EIF4G3: variants seen among roughly 807,000 people sequenced by gnomAD.
The protein encoded by EIF4G3 is eIF-4-gamma 3.
Under a neutral mutation model 186.4 loss-of-function variants are expected in EIF4G3, and 34 were observed. That is an observed-to-expected ratio of 0.18 (90% CI 0.14 to 0.24). The LOEUF (loss-of-function observed/expected upper bound fraction) is 0.24, where lower values mean the gene tolerates loss of function less well. Among genes scored for constraint, EIF4G3 ranks in the 10% least tolerant of loss-of-function variants. The pLI, the probability that EIF4G3 is intolerant of heterozygous loss-of-function variation, is 1.00. For missense variants in EIF4G3, 1,536 were observed against 1,948.5 expected, an observed-to-expected ratio of 0.79 and a Z score of 3.99; for synonymous variants, 673 against 679.5, an observed-to-expected ratio of 0.99 and a Z score of 0.15.
At chr1:20,977,090 G>GAA (rs11444926) in intron 10 of EIF4G3, among the ~76,000 whole-genome samples, 43 of 148,326 alleles carry the variant, frequency 2.9e-4, no homozygotes, top group South Asian at 6.3e-4. Context: ...AAATATAAAT[G>GAA]AAAAAAAAAA....
At chr1:20,846,011 T>G (rs1283583758) in intron 29 of EIF4G3, among the ~76,000 whole-genome samples, 1 of 152,232 alleles carries the variant, frequency 6.6e-6, no homozygotes, top group African/African-American at 2.4e-5. Flanking sequence ...CTTGTAGTGA[T>G]CCTTCACTTC....
intron 7 of EIF4G3, among the ~76,000 whole-genome samples, chr1:20,996,490 C>T (rs1182312462): frequency 1.3e-5 from 2 of 152,228 alleles, no homozygotes; most frequent in African/African-American, 2.4e-5. Context: ...TTTGCCTTTA[C>T]ATCCTCCAGA....
At chr1:21,052,132 T>A (rs1571728706) in intron 3 of EIF4G3, among the ~76,000 whole-genome samples, 1 of 152,198 alleles carries the variant, frequency 6.6e-6, no homozygotes, top group East Asian at 1.9e-4. Flanking sequence ...ATAATCAGCA[T>A]GTTTTTACGT....
rs1035007548 is a variant in EIF4G3, at chr1:20,942,338, A to G, written c.824-8T>C. On this transcript the variant is annotated splice_polypyrimidine_tract_variant and splice_region_variant and intron_variant, in intron 13 of 36. Coordinates refer to ENST00000602326, the MANE Select transcript of EIF4G3 (RefSeq NM_001391906.1). ...CTGGTTTTGGCTTCTCCTCTGGGGA[A>G]AAAAAAATAAGTTTTAAGAATAATT... 3.9e-6 allele frequency: 6 copies of G among 1,540,512 alleles called. No homozygotes were observed. The highest frequency in any genetic ancestry group is 4.4e-6 in the Non-Finnish European group (5 of 1,149,118).
At chr1:20,832,521 G>A (rs1220100735) in intron 30 of EIF4G3, among the ~76,000 whole-genome samples, 1 of 143,964 alleles carries the variant, frequency 6.9e-6, no homozygotes, top group Non-Finnish European at 1.5e-5. Context: ...CCCTTTGTCA[G>A]ATGAGTAGGT....
intron 14 of EIF4G3, among the ~76,000 whole-genome samples, chr1:20,912,013 G>A (rs1039446728): frequency 1.3e-5 from 2 of 152,118 alleles, no homozygotes; most frequent in Admixed American, 6.5e-5. Flanking sequence ...AATAAGGCCA[G>A]GTATGGTGGC....
At chr1:21,175,647 G>A (rs1248469524) in intron 2 of EIF4G3, 2 of 152,106 alleles carry the variant, frequency 1.3e-5, no homozygotes, top group Admixed American at 1.3e-4. Flanking sequence ...TTTCACCTTA[G>A]ACTGAAAATC....
intron 2 of EIF4G3, among the ~76,000 whole-genome samples, chr1:21,116,385 T>C (rs775501388): frequency 6.6e-6 from 1 of 152,128 alleles, no homozygotes; most frequent in Non-Finnish European, 1.5e-5. Context: ...GCAGAAACCA[T>C]GTAACATCAA....
intron 2 of EIF4G3, among the ~76,000 whole-genome samples, chr1:21,142,993 A>G (rs2097366417): frequency 6.6e-6 from 1 of 152,220 alleles, no homozygotes; most frequent in Non-Finnish European, 1.5e-5. Context: ...TCATGCCTGT[A>G]ATCCCAGCAC....
At chr1:20,808,690 C>A (rs6699749) in intron 36 of EIF4G3, among the ~76,000 whole-genome samples, 143,753 of 152,144 alleles carry the variant, frequency 0.94, 68,416 homozygotes, top group Middle Eastern at 1. Context: ...CAAAAAAGAA[C>A]AAGAGGTGAT....
Position 20,963,156 on chromosome 1 carries a change from T to C in EIF4G3, c.714+6318A>G, listed in dbSNP as rs540857982. On this transcript the variant is annotated intron_variant, in intron 12 of 36. Coordinates refer to ENST00000602326, the MANE Select transcript of EIF4G3 (RefSeq NM_001391906.1). The stretch of plus-strand genomic sequence containing the variant: ...TTTTGATAAATTTTAACTTTTATAA[T>C]AGATTTGTATATATTTTATGGCACT... Among the ~76,000 whole-genome samples, 10 of 152,284 alleles carry C rather than the reference T, an allele frequency of 6.6e-5. No homozygotes were observed. The South Asian group carries it at 1.7e-3, about 25-fold the overall frequency.
chr1:21,153,896 T>C (rs2097590264), intron 2 of EIF4G3, among the ~76,000 whole-genome samples: 1 of 151,566 alleles, frequency 6.6e-6, no homozygotes. Context: ...CAAACAACAG[T>C]GAAGCCAGCA....
chr1:20,814,347 A>C (rs1202229055), intron 34 of EIF4G3, among the ~76,000 whole-genome samples: 1 of 152,202 alleles, frequency 6.6e-6, no homozygotes, highest in Non-Finnish European at 1.5e-5. Context: ...TGCCAGTTCT[A>C]TGTGCAAATA....
chr1:20,916,643 A>C (rs76813942), intron 14 of EIF4G3, among the ~76,000 whole-genome samples: 5,255 of 152,256 alleles, frequency 0.035, 196 homozygotes, highest in East Asian at 0.16. Context: ...AAGGACCTAG[A>C]ATGGCCAAAA....
At chr1:20,864,855 T>C in intron 21 of EIF4G3, 143 bp from the exon 22 acceptor site, 1 of 863,460 alleles carries the variant, frequency 1.2e-6, no homozygotes, top group South Asian at 1.7e-5. Flanking sequence ...ACTATACCCA[T>C]CCATTTCAGA....
At chr1:20,865,324 T>C in intron 20 of EIF4G3, 62 bp from the exon 21 acceptor site, 1 of 1,576,602 alleles carries the variant, frequency 6.3e-7, no homozygotes, top group Non-Finnish European at 8.6e-7. Context: ...TAAAAATATC[T>C]GTTTGCTTTA....
At position 20,831,432 on chromosome 1, in the gene EIF4G3, C is replaced by T. The variant is rs147355382; in HGVS notation, c.4062-2160G>A. ...AACCAGAAAGGCCAGAAAGATCTCC[C>T]GTGTTAGTGTTAGCAATAGAATTTC... is the stretch of plus-strand genomic sequence containing the variant. On this transcript the variant is annotated intron_variant, in intron 30 of 36. Coordinates refer to ENST00000602326, the MANE Select transcript of EIF4G3 (RefSeq NM_001391906.1). Among the ~76,000 whole-genome samples the T allele has an allele frequency of 7.0e-3, 1,068 of 151,792 alleles. 15 individuals are homozygous for T. Among genetic ancestry groups the T allele is most frequent in the African/African-American group, 0.024 (986 of 41,452 alleles).
At chr1:21,109,748 T>C (rs937747003) in intron 2 of EIF4G3, among the ~76,000 whole-genome samples, 4 of 152,156 alleles carry the variant, frequency 2.6e-5, no homozygotes, top group Admixed American at 6.6e-5. Context: ...AACACAACAC[T>C]GAAATGAAGT....
At chr1:21,022,804 C>A (rs1353393542) in intron 4 of EIF4G3, among the ~76,000 whole-genome samples, 1 of 152,242 alleles carries the variant, frequency 6.6e-6, no homozygotes, top group Non-Finnish European at 1.5e-5. Flanking sequence ...GGAAGTATTA[C>A]AGTATCACCT....
Sources: allele counts gnomAD v4.1 joint callset (sites outside exome capture counted in the v4.1 genomes callset), GRCh38; gene constraint gnomAD v4.1.1; transcripts MANE v1.5; gene names NCBI Gene and HGNC (gene_info 2026-07-23, HGNC 2026-07-21).